FLVCR1: variants seen among roughly 807,000 people sequenced by gnomAD.
FLVCR1 encodes FLVCR choline and heme transporter 1.
Under a neutral mutation model 53.6 loss-of-function variants are expected in FLVCR1, and 34 were observed. That is an observed-to-expected ratio of 0.63 (90% confidence interval 0.48 to 0.84). FLVCR1 has a LOEUF of 0.84. Ranked by LOEUF, FLVCR1 falls within the 40% of genes least tolerant of loss-of-function variation. The pLI is 0.00. For missense variants in FLVCR1, 677 were observed against 696.7 expected (o/e 0.97, Z 0.32); for synonymous variants, 300 against 286.3 (o/e 1.05, Z -0.48).
intron 2 of FLVCR1, chr1:212,869,954 C>T (rs536199307): frequency 6.6e-6 from 1 of 152,328 alleles, no homozygotes; most frequent in South Asian, 2.1e-4. Flanking sequence ...CCCATGACTA[C>T]CTTGTAAGCA....
At position 212,859,064 on chromosome 1, in the gene FLVCR1, G is replaced by A; in HGVS notation, c.612G>A (p.Met204Ile). The A allele has an allele frequency of 6.2e-7, 1 of 1,613,328 alleles. No individual in the cohort carries two copies. ...SVQQHLFWVT[M>I]LGQCLCSVAQ... ...AGCAGCATCTCTTCTGGGTCACCAT[G>A]TTGGGCCAGTGCTTGTGCTCGGTGG... Residue 204 changes from methionine to isoleucine, a missense_variant, in exon 1 of 10, where the codon ATG becomes ATA. Met to Ile is a conservative substitution (Grantham distance 10). Transcript: ENST00000366971.
intron 3 of FLVCR1, among the ~76,000 whole-genome samples, chr1:212,882,028 C>A (rs1246333082): frequency 6.6e-6 from 1 of 152,110 alleles, no homozygotes; most frequent in Non-Finnish European, 1.5e-5. Context: ...CTGGTGAAAA[C>A]AAATTTGGCA....
intron 2 of FLVCR1, among the ~76,000 whole-genome samples, chr1:212,870,687 A>G (rs891366652): frequency 4.6e-5 from 7 of 152,022 alleles, no homozygotes; most frequent in African/African-American, 1.7e-4. Context: ...AGAATGGCAG[A>G]AAAATCCTAA....
intron 7 of FLVCR1, among the ~76,000 whole-genome samples, chr1:212,888,869 T>G (rs1665122871): frequency 6.6e-6 from 1 of 152,050 alleles, no homozygotes; most frequent in African/African-American, 2.4e-5. Context: ...TTGTTATTTT[T>G]TGTAGAGATG....
chr1:212,877,846 T>C (rs931026889), intron 3 of FLVCR1, among the ~76,000 whole-genome samples: 1 of 152,180 alleles, frequency 6.6e-6, no homozygotes, highest in Non-Finnish European at 1.5e-5. Context: ...CAATAAGAAG[T>C]ATCCTTAAGG....
chr1:212,862,724 G>A (rs1664282509), intron 1 of FLVCR1, among the ~76,000 whole-genome samples: 1 of 152,138 alleles, frequency 6.6e-6, no homozygotes, highest in South Asian at 2.1e-4. Flanking sequence ...TAGGTCATAT[G>A]GTAATTCTAT....
chr1:212,883,798 A>G (rs978893221), intron 4 of FLVCR1, among the ~76,000 whole-genome samples: 16 of 152,040 alleles, frequency 1.1e-4, no homozygotes, highest in Non-Finnish European at 1.9e-4. Flanking sequence ...GGAGTAAAAC[A>G]AAGGGGACTG....
In FLVCR1 at chr1:212,858,441, G is replaced by A. The variant is rs1304251902; in HGVS notation, c.-12G>A. The A allele has an allele frequency of 7.0e-7, 1 of 1,432,604 alleles. No homozygotes were observed. Among genetic ancestry groups the A allele is most frequent in the Non-Finnish European group, 9.1e-7 (1 of 1,098,552 alleles). The allele number at this position is 1,432,604 out of a possible 1,614,324, so 88.7% of individuals were successfully genotyped here. On this transcript the variant is annotated 5_prime_UTR_variant, in exon 1 of 10. Transcript: ENST00000366971. Reference sequence around the variant, plus strand: ...GGGCGGGGGAGCGAGGTGGCGCCGGGGAGCCTGGGATATGGCGCGGCCAGA... The same window carrying A: ...GGGCGGGGGAGCGAGGTGGCGCCGGAGAGCCTGGGATATGGCGCGGCCAGA...
chr1:212,894,400 AC>A (rs1665280590), intron 8 of FLVCR1, among the ~76,000 whole-genome samples: 1 of 150,514 alleles, frequency 6.6e-6, no homozygotes, highest in South Asian at 2.1e-4. Flanking sequence ...TGATCCACCC[AC>A]CTCGGCCTCC....
chr1:212,880,746 C>T (rs976622522), intron 3 of FLVCR1, among the ~76,000 whole-genome samples: 14 of 149,710 alleles, frequency 9.4e-5, no homozygotes, highest in African/African-American at 3.4e-4. Flanking sequence ...TGCAGTGAGC[C>T]GAAACTGCTA....
At position 212,858,710 on chromosome 1, in the gene FLVCR1, G is replaced by C. The variant is rs958897487; in HGVS notation, c.258G>C (p.Ala86=). 2 of 1,599,240 alleles carry C rather than the reference G, an allele frequency of 1.3e-6. No individual in the cohort carries two copies. The highest frequency in any genetic ancestry group is 1.7e-6 in the Non-Finnish European group (2 of 1,174,706). Residue 86 remains alanine, a synonymous_variant, in exon 1 of 10, where the codon GCG becomes GCC. Coordinates refer to ENST00000366971, the MANE Select transcript of FLVCR1 (RefSeq NM_014053.4). The part of the protein sequence containing the change: ...ETQARLLPAG[A]GAETPGAESS... ...AGGCCCGGCTGCTGCCTGCGGGCGCGGGAGCTGAGACCCCGGGGGCCGAGA... is the reference window on the plus strand; with the variant it reads ...AGGCCCGGCTGCTGCCTGCGGGCGCCGGAGCTGAGACCCCGGGGGCCGAGA...
rs1664116958 is a variant in FLVCR1, at chr1:212,858,740, C to T, written c.288C>T (p.Ser96=). ...AGAETPGAES[S]PLPLTALSPR... ...CTGAGACCCCGGGGGCCGAGAGCAG[C>T]CCGCTGCCCCTTACGGCGCTCTCCC... The change falls in exon 1 of 10, where the codon AGC becomes AGT. Residue 96 remains serine (S), a synonymous_variant. Coordinates refer to ENST00000366971, the MANE Select transcript of FLVCR1 (RefSeq NM_014053.4). 4 of 1,612,168 alleles carry T rather than the reference C, an allele frequency of 2.5e-6. No homozygotes were observed. Among genetic ancestry groups the T allele is most frequent in the Non-Finnish European group, 3.4e-6 (4 of 1,179,522 alleles).
At chr1:212,865,981 GTTTT>G (rs1319691717) in intron 2 of FLVCR1, among the ~76,000 whole-genome samples, 13 of 41,298 alleles carry the variant, frequency 3.1e-4, no homozygotes, top group Non-Finnish European at 5.5e-4. Context: ...TTGGGGTTTG[GTTTT>G]TTTTTTTTTT....
intron 3 of FLVCR1, among the ~76,000 whole-genome samples, 200 bp downstream of exon 3, chr1:212,873,018 A>G (rs950331627): frequency 2.6e-5 from 4 of 152,160 alleles, no homozygotes; most frequent in Non-Finnish European, 1.5e-5. Flanking sequence ...TTTAAAAGGT[A>G]GTTTTTGGCC....
chr1:212,863,577 T>C, intron 1 of FLVCR1, 148 bp from the exon 2 acceptor site: 1 of 637,832 alleles, frequency 1.6e-6, no homozygotes, highest in Non-Finnish European at 2.6e-6. Flanking sequence ...AGACAGACTT[T>C]GTCTCAAAAA....
At chr1:212,886,698 G>A (rs1213964039) in intron 5 of FLVCR1, among the ~76,000 whole-genome samples, 3 of 152,068 alleles carry the variant, frequency 2.0e-5, no homozygotes, top group African/African-American at 7.2e-5. Flanking sequence ...TACTCAGGAG[G>A]CTAAGGAAGG....
chr1:212,858,756 G>A lies in FLVCR1; in HGVS notation c.304G>A (p.Ala102Thr), dbSNP rs749724915. The A allele has an allele frequency of 1.9e-6, 3 of 1,613,598 alleles. No individual in the cohort carries two copies. The highest frequency in any genetic ancestry group is 1.1e-5 in the South Asian group (1 of 91,062). ...GAESSPLPLT[A>T]LSPRRFVVLL... ...CGAGAGCAGCCCGCTGCCCCTTACG[G>A]CGCTCTCCCCGCGGCGCTTCGTGGT... The change falls in exon 1 of 10, where the codon GCG becomes ACG. Residue 102 changes from alanine (A) to threonine (T), a missense_variant. Ala to Thr is a moderately conservative substitution (Grantham distance 58). Coordinates refer to ENST00000366971, the MANE Select transcript of FLVCR1 (RefSeq NM_014053.4).
intron 1 of FLVCR1, among the ~76,000 whole-genome samples, chr1:212,861,921 C>T (rs1478690763): frequency 2.0e-5 from 3 of 152,098 alleles, no homozygotes; most frequent in Non-Finnish European, 2.9e-5. Flanking sequence ...CCCCCCACCT[C>T]GGCCTCCCAA....
Position 212,889,224 on chromosome 1 carries a change from T to G in FLVCR1, c.1492T>G (p.Cys498Gly), listed in dbSNP as rs1665130639. ...YGPKAGNIFL[C>G]VWMFIGIILT... The stretch of plus-strand genomic sequence containing the variant: ...TCCTAAGGCAGGGAACATTTTTCTC[T>G]GTGTCTGGATGTTTATAGGCATCAT... The change falls in exon 8 of 10, where the codon TGT (cysteine) becomes GGT (glycine). Residue 498 changes from cysteine (C) to glycine (G), a missense_variant. Transcript: ENST00000366971. 3 of 1,613,442 alleles carry G rather than the reference T, an allele frequency of 1.9e-6. No individual in the cohort carries two copies. In the East Asian group the frequency reaches 6.7e-5, roughly 36 times the overall value.
Sources: allele counts gnomAD v4.1 joint callset (sites outside exome capture counted in the v4.1 genomes callset), GRCh38; gene constraint gnomAD v4.1.1; transcripts MANE v1.5; gene names NCBI Gene and HGNC (gene_info 2026-07-23, HGNC 2026-07-21).